Variants in ATXN1 observed in about 807,000 individuals in gnomAD.
The protein encoded by ATXN1 is ataxin 1, also known as ataxin-1.
In ATXN1, 8 loss-of-function variants were observed where a neutral mutation model predicts 56.4. That is an observed-to-expected ratio of 0.14 (90% CI 0.08 to 0.26). The LOEUF (loss-of-function observed/expected upper bound fraction) is 0.26, where lower values mean the gene tolerates loss of function less well. Among genes scored for constraint, ATXN1 ranks in the 10% least tolerant of loss-of-function variants. The pLI is 1.00. For synonymous variants in ATXN1, 514 were observed against 494.6 expected, an observed-to-expected ratio of 1.04 and a Z score of -0.52; for missense variants, 987 against 1,106.5, an observed-to-expected ratio of 0.89 and a Z score of 1.53.
At chr6:16,415,787 T>C (rs1371443605) in intron 6 of ATXN1, among the ~76,000 whole-genome samples, 2 of 152,350 alleles carry the variant, frequency 1.3e-5, no homozygotes, top group African/African-American at 2.4e-5. Context: ...ATCTTACTTA[T>C]AGCAAAAACA....
At chr6:16,587,802 G>A (rs558985150) in intron 3 of ATXN1, among the ~76,000 whole-genome samples, 3 of 151,762 alleles carry the variant, frequency 2.0e-5, no homozygotes, top group Non-Finnish European at 2.9e-5. Context: ...ATGGTGGTGG[G>A]CGCCTGTAAT....
intron 6 of ATXN1, among the ~76,000 whole-genome samples, chr6:16,372,954 C>T (rs1462112329): frequency 2.9e-5 from 4 of 138,448 alleles, no homozygotes; most frequent in African/African-American, 1.0e-4. Flanking sequence ...AACAAACAAA[C>T]AAACAAACAA....
chr6:16,629,147 A>G (rs1253988158), intron 3 of ATXN1, among the ~76,000 whole-genome samples: 1 of 151,942 alleles, frequency 6.6e-6, no homozygotes, highest in Non-Finnish European at 1.5e-5. Flanking sequence ...TTATTTTTTG[A>G]CTTTTTAACA....
In ATXN1 at chr6:16,304,432, T is replaced by G. The variant is rs1760186531; in HGVS notation, c.*1897A>C. ...CCAAACATTAAATCTCGATTTGATTTTGAATAGAAAAAAAAAAGCCATTCT... is the reference window on the plus strand; with the variant it reads ...CCAAACATTAAATCTCGATTTGATTGTGAATAGAAAAAAAAAAGCCATTCT... On this transcript the variant is annotated 3_prime_UTR_variant, in exon 8 of 8. Coordinates refer to ENST00000436367, the MANE Select transcript of ATXN1 (RefSeq NM_001128164.2). 1 of 152,088 alleles carries G rather than the reference T, an allele frequency of 6.6e-6. No homozygotes were observed. The highest frequency in any genetic ancestry group is 1.5e-5 in the Non-Finnish European group (1 of 67,974). The allele number at this position is 152,088 out of a possible 1,614,324, so 9.4% of individuals were successfully genotyped here.
chr6:16,586,931 A>G (rs1356858686), intron 3 of ATXN1, among the ~76,000 whole-genome samples: 1 of 152,124 alleles, frequency 6.6e-6, no homozygotes, highest in Admixed American at 6.5e-5. Flanking sequence ...AGGCAGGAGA[A>G]TCACTTGAAC....
chr6:16,330,318 C>A (rs562894571), intron 6 of ATXN1, among the ~76,000 whole-genome samples: 1 of 152,116 alleles, frequency 6.6e-6, no homozygotes, highest in Admixed American at 6.5e-5. Flanking sequence ...ACATAACCCC[C>A]TTTCTCTACT....
chr6:16,475,490 T>C (rs1465520823), intron 6 of ATXN1, among the ~76,000 whole-genome samples: 1 of 152,172 alleles, frequency 6.6e-6, no homozygotes, highest in African/African-American at 2.4e-5. Flanking sequence ...CTTAACAGAC[T>C]TTATCGCATT....
At chr6:16,457,952 A>G (rs150546489) in intron 6 of ATXN1, among the ~76,000 whole-genome samples, 1 of 152,234 alleles carries the variant, frequency 6.6e-6, no homozygotes, top group East Asian at 1.9e-4. Flanking sequence ...AAAGCAGATC[A>G]AGGTAGACCT....
chr6:16,559,008 G>A (rs898775979), intron 4 of ATXN1, among the ~76,000 whole-genome samples: 6 of 151,958 alleles, frequency 3.9e-5, no homozygotes, highest in African/African-American at 1.5e-4. Context: ...AAGAAAATAG[G>A]AACGGCTTTT....
chr6:16,684,144 A>T (rs1281675600), intron 2 of ATXN1, among the ~76,000 whole-genome samples: 1 of 152,206 alleles, frequency 6.6e-6, no homozygotes, highest in Non-Finnish European at 1.5e-5. Flanking sequence ...GGATACAGAC[A>T]TATTTCTCAG....
chr6:16,329,181 C>T (rs558422246), intron 6 of ATXN1, among the ~76,000 whole-genome samples: 2 of 152,162 alleles, frequency 1.3e-5, no homozygotes, highest in African/African-American at 4.8e-5. Flanking sequence ...CTCACCTCTC[C>T]TTTGCCTGGC....
At chr6:16,683,372 G>A (rs1463139927) in intron 2 of ATXN1, among the ~76,000 whole-genome samples, 5 of 152,168 alleles carry the variant, frequency 3.3e-5, no homozygotes, top group Non-Finnish European at 7.4e-5. Flanking sequence ...TGGCTGTTAG[G>A]ATAAAGAGGG....
chr6:16,476,448 C>A (rs890094095), intron 6 of ATXN1, among the ~76,000 whole-genome samples: 2 of 151,736 alleles, frequency 1.3e-5, no homozygotes, highest in African/African-American at 4.8e-5. Context: ...AGAGAACTAT[C>A]TTTATGACCT....
chr6:16,725,212 A>T (rs2113475540), intron 2 of ATXN1, among the ~76,000 whole-genome samples: 2 of 152,056 alleles, frequency 1.3e-5, no homozygotes, highest in East Asian at 1.9e-4. Flanking sequence ...TGGACACTGG[A>T]CTCCTCTAGA....
At chr6:16,382,074 T>C (rs1172011746) in intron 6 of ATXN1, among the ~76,000 whole-genome samples, 2 of 152,130 alleles carry the variant, frequency 1.3e-5, no homozygotes, top group Non-Finnish European at 2.9e-5. Flanking sequence ...CCAGGCCTGG[T>C]GGCTTATGGC....
chr6:16,740,779 C>G (rs189699885), intron 2 of ATXN1, among the ~76,000 whole-genome samples: 1 of 152,128 alleles, frequency 6.6e-6, no homozygotes, highest in Non-Finnish European at 1.5e-5. Flanking sequence ...GCGATCCCAC[C>G]GCCTTGGCCT....
In ATXN1 at chr6:16,438,950, G is replaced by A. The variant is rs191614048; in HGVS notation, c.-161+47022C>T. ...TGCTATTCTGGAATCTCTTGTGTAA[G>A]ATGGGAATCAAGTCTAACAGAGTCA... On this transcript the variant is annotated intron_variant, in intron 6 of 7. Coordinates refer to ENST00000436367, the MANE Select transcript of ATXN1 (RefSeq NM_001128164.2). Among the ~76,000 whole-genome samples the A allele has an allele frequency of 4.7e-4, 72 of 152,278 alleles. No homozygotes were observed. The East Asian group carries it at 0.013, about 27-fold the overall frequency.
chr6:16,306,580 C>G lies in ATXN1; in HGVS notation c.2197G>C (p.Gly733Arg). 1 of 1,614,206 alleles carries G rather than the reference C, an allele frequency of 6.2e-7. No individual in the cohort carries two copies. Among genetic ancestry groups the G allele is most frequent in the East Asian group, 2.2e-5 (1 of 44,886 alleles). Residue 733 changes from glycine (G) to arginine (R), a missense_variant, in exon 8 of 8, where the codon GGG becomes CGG. Physicochemically the swap from Gly to Arg is moderately radical, Grantham distance 125. Transcript: ENST00000436367. The surrounding 1 kb of genome is among the most constrained non-coding windows in gnomAD (Gnocchi z 5.2). ...TTCTCAGAGAGCATCTGGGCACTCC[C>G]CTGGTTGATTCCGTTTTCCTGCTCG... ...YAEQENGINQ[G>R]SAQMLSENGE...
At chr6:16,531,537 T>C (rs1761503467) in intron 4 of ATXN1, among the ~76,000 whole-genome samples, 2 of 151,430 alleles carry the variant, frequency 1.3e-5, no homozygotes, top group Non-Finnish European at 2.9e-5. Flanking sequence ...GCAGGAGAAT[T>C]GCTTGAACCT....
Sources: allele counts gnomAD v4.1 joint callset (sites outside exome capture counted in the v4.1 genomes callset), GRCh38; gene constraint gnomAD v4.1.1; non-coding constraint Gnocchi (gnomAD v3.1); transcripts MANE v1.5; gene names NCBI Gene and HGNC (gene_info 2026-07-23, HGNC 2026-07-21).